Variants in HMGB1 observed in about 807,000 individuals in gnomAD.
HMGB1 encodes the protein high mobility group box 1.
For synonymous variants in HMGB1, 81 were observed against 84.0 expected (o/e 0.96, Z 0.19); for missense variants, 79 against 253.5 (o/e 0.31, Z 4.67).
intron 1 of HMGB1, among the ~76,000 whole-genome samples, chr13:30,602,498 A>G (rs1950413107): frequency 6.6e-6 from 1 of 152,248 alleles, no homozygotes; most frequent in African/African-American, 2.4e-5. Flanking sequence ...ACAATACTAA[A>G]TTAGAAGTGT....
intron 1 of HMGB1, among the ~76,000 whole-genome samples, chr13:30,614,965 C>T (rs143809884): frequency 0.089 from 13,496 of 151,708 alleles, 848 homozygotes; most frequent in Non-Finnish European, 0.14. Flanking sequence ...CCACCTCAGC[C>T]TCCCAAAGTG....
chr13:30,554,170 T>C lies in HMGB1; in HGVS notation c.-15+62501A>G, dbSNP rs538092778. 8.4e-5 allele frequency: 116 copies of C among 1,384,208 alleles called. No homozygotes were observed. The African/African-American group carries it at 1.3e-3, about 15-fold the overall frequency. 85.7% of individuals were successfully genotyped at this position (1,384,208 alleles called of 1,614,324 possible). On this transcript the variant is annotated intron_variant, in intron 1 of 4. Transcript: ENST00000405805. ...TACGATTAGAAAATATCAATAGTGG[T>C]GAAACCAGAACAATATCTCACTTGC...
At chr13:30,558,490 A>G (rs1041027289) in intron 1 of HMGB1, among the ~76,000 whole-genome samples, 8 of 151,700 alleles carry the variant, frequency 5.3e-5, no homozygotes, top group African/African-American at 2.0e-4. Flanking sequence ...AAATGAAAAC[A>G]TAAGTCATGT....
At chr13:30,526,537 C>CGAAA (rs112369277) in intron 1 of HMGB1, among the ~76,000 whole-genome samples, 48 of 151,520 alleles carry the variant, frequency 3.2e-4, no homozygotes, top group Non-Finnish European at 5.6e-4. Flanking sequence ...GATTCTTCAT[C>CGAAA]CAGAGAGATC....
intron 1 of HMGB1, among the ~76,000 whole-genome samples, chr13:30,503,981 T>C (rs9579588): frequency 0.38 from 57,760 of 151,484 alleles, 11,682 homozygotes; most frequent in Middle Eastern, 0.53. Flanking sequence ...AAATGTATTG[T>C]GTATTTTGGT....
chr13:30,497,375 T>A (rs9508758), intron 1 of HMGB1, among the ~76,000 whole-genome samples: 124,916 of 151,668 alleles, frequency 0.82, 56,561 homozygotes, highest in East Asian at 1. Flanking sequence ...TACAGGTGCC[T>A]GCCACTACAC....
At chr13:30,589,299 C>T (rs1451507373) in intron 1 of HMGB1, among the ~76,000 whole-genome samples, 1 of 152,104 alleles carries the variant, frequency 6.6e-6, no homozygotes, top group African/African-American at 2.4e-5. Context: ...ACCACCGCGC[C>T]CGGCCTATCA....
chr13:30,515,686 T>TA (rs537265855), intron 1 of HMGB1, among the ~76,000 whole-genome samples: 14,374 of 114,176 alleles, frequency 0.13, 1,044 homozygotes, highest in African/African-American at 0.23. Context: ...ATTGAATTGC[T>TA]AAAAAAAAAA....
chr13:30,498,689 C>A (rs2137449685), intron 1 of HMGB1, among the ~76,000 whole-genome samples: 1 of 150,342 alleles, frequency 6.7e-6, no homozygotes, highest in African/African-American at 2.4e-5. Context: ...GCTTTGTGGC[C>A]CACGCTGGAG....
At chr13:30,495,747 G>T (rs1307652247) in intron 1 of HMGB1, among the ~76,000 whole-genome samples, 1 of 152,146 alleles carries the variant, frequency 6.6e-6, no homozygotes, top group Non-Finnish European at 1.5e-5. Context: ...CAAAGTGCTG[G>T]GATTACAGGT....
intron 1 of HMGB1, among the ~76,000 whole-genome samples, chr13:30,483,994 C>T (rs1365550131): frequency 2.0e-5 from 3 of 152,188 alleles, no homozygotes; most frequent in Non-Finnish European, 4.4e-5. Flanking sequence ...CTGAAGCTCC[C>T]ATCCTGAGCC....
At position 30,554,762 on chromosome 13, in the gene HMGB1, G is replaced by C. The variant is rs192003310; in HGVS notation, c.-15+61909C>G. On this transcript the variant is annotated intron_variant, in intron 1 of 4. Coordinates refer to the HMGB1 transcript ENST00000405805. ...CCACAGCTCAGAAGGTGCAGCAGAT[G>C]AAACAGAGGCTAAATGAGAACGAAC... 2.3e-5 allele frequency: 18 copies of C among 768,422 alleles called. No individual in the cohort carries two copies. The African/African-American group carries it at 2.5e-4, about 11-fold the overall frequency. 47.6% of individuals were successfully genotyped at this position (768,422 alleles called of 1,614,324 possible).
intron 1 of HMGB1, among the ~76,000 whole-genome samples, chr13:30,505,189 ATTGT>A (rs1403402428): frequency 1.1e-4 from 16 of 143,386 alleles, no homozygotes; most frequent in African/African-American, 4.2e-4. Flanking sequence ...TGTTGTTGTT[ATTGT>A]TTGAGACGGA....
intron 1 of HMGB1, among the ~76,000 whole-genome samples, chr13:30,544,965 A>G (rs2137506170): frequency 6.6e-6 from 1 of 152,120 alleles, no homozygotes; most frequent in East Asian, 1.9e-4. Flanking sequence ...GTTCCTCTGC[A>G]CTCCTGGCCT....
chr13:30,539,595 G>A, intron 1 of HMGB1: 1 of 274,602 alleles, frequency 3.6e-6, no homozygotes, highest in Non-Finnish European at 6.8e-6. Flanking sequence ...AATGTGCTGG[G>A]GGCAGCTGTA....
At chr13:30,521,399 G>A (rs1257261371) in intron 1 of HMGB1, among the ~76,000 whole-genome samples, 1 of 152,060 alleles carries the variant, frequency 6.6e-6, no homozygotes, top group African/African-American at 2.4e-5. Flanking sequence ...CAAGCCCCTG[G>A]CCACCATTAA....
At chr13:30,489,883 C>T (rs1165013497) in intron 1 of HMGB1, among the ~76,000 whole-genome samples, 2 of 151,880 alleles carry the variant, frequency 1.3e-5, no homozygotes, top group Admixed American at 6.6e-5. Context: ...TACAGGCATG[C>T]ACCACCATGC....
intron 1 of HMGB1, chr13:30,554,514 A>C: frequency 2.1e-6 from 2 of 967,296 alleles, no homozygotes; most frequent in Non-Finnish European, 3.4e-6. Context: ...ATAAAGGTAG[A>C]TTCTAGTATA....
chr13:30,576,030 A>G (rs1870640094), intron 1 of HMGB1, among the ~76,000 whole-genome samples: 3 of 152,148 alleles, frequency 2.0e-5, no homozygotes, highest in Non-Finnish European at 2.9e-5. Flanking sequence ...CAATCTCATC[A>G]TCACCATCAA....
Sources: allele counts gnomAD v4.1 joint callset (sites outside exome capture counted in the v4.1 genomes callset), GRCh38; gene constraint gnomAD v4.1.1; transcripts MANE v1.5; gene names NCBI Gene and HGNC (gene_info 2026-07-23, HGNC 2026-07-21).